C10orf143: variants seen among roughly 807,000 people sequenced by gnomAD.
The protein encoded by C10orf143 is chromosome 10 open reading frame 143, also known as uncharacterized protein C10orf143.
At chr10:130,036,964 C>T (rs947047715) in intron 3 of C10orf143, among the ~76,000 whole-genome samples, 1 of 152,242 alleles carries the variant, frequency 6.6e-6, no homozygotes, top group East Asian at 1.9e-4. Context: ...CAGAGGGAGG[C>T]GTGGACCCTG....
intron 1 of C10orf143, among the ~76,000 whole-genome samples, chr10:130,080,435 G>C (rs1352141720): frequency 1.3e-5 from 2 of 152,110 alleles, no homozygotes; most frequent in African/African-American, 4.8e-5. Flanking sequence ...GTGAACTAAA[G>C]AAAATAATTA....
rs1338963899 is a variant in C10orf143, at chr10:130,098,445, TGGC to T, written c.69+12256_69+12258del. ...GAAGGGTGACCATGTGGCACGCTGA[TGGC>T]GTTTTCCCCAAATGAATTATAATTT... On this transcript the variant is annotated intron_variant, in intron 1 of 3. Transcript: ENST00000637128. 5.3e-5 allele frequency among the ~76,000 whole-genome samples: 8 copies of T among 152,380 alleles called. No homozygotes were observed. In the South Asian group the frequency reaches 6.2e-4, roughly 12 times the overall value.
intron 3 of C10orf143, among the ~76,000 whole-genome samples, chr10:130,052,365 G>A (rs1020326019): frequency 2.6e-5 from 4 of 152,110 alleles, no homozygotes; most frequent in Non-Finnish European, 5.9e-5. Flanking sequence ...ACCTCCAGGT[G>A]AGGCAGCTTG....
intron 3 of C10orf143, among the ~76,000 whole-genome samples, chr10:130,057,602 C>G (rs1860809891): frequency 6.6e-6 from 1 of 151,660 alleles, no homozygotes; most frequent in Non-Finnish European, 1.5e-5. Context: ...AAGATGAGGT[C>G]TGAGACAGCC....
intron 3 of C10orf143, among the ~76,000 whole-genome samples, chr10:130,053,197 A>T (rs1245403510): frequency 6.6e-6 from 1 of 152,132 alleles, no homozygotes; most frequent in African/African-American, 2.4e-5. Context: ...AGTAGCTGGG[A>T]CTACAGGCCC....
At chr10:130,091,588 G>T (rs1861383477) in intron 1 of C10orf143, among the ~76,000 whole-genome samples, 1 of 152,186 alleles carries the variant, frequency 6.6e-6, no homozygotes, top group Non-Finnish European at 1.5e-5. Flanking sequence ...ACAGAAGTAG[G>T]CTTCAGAAGA....
At chr10:130,074,581 C>CA (rs1256213896) in intron 3 of C10orf143, among the ~76,000 whole-genome samples, 8 of 152,128 alleles carry the variant, frequency 5.3e-5, no homozygotes, top group African/African-American at 1.9e-4. Flanking sequence ...CTAGCAAGCA[C>CA]AGGCAGTGTT....
chr10:130,058,411 A>G (rs1037244084), intron 3 of C10orf143, among the ~76,000 whole-genome samples: 2 of 152,142 alleles, frequency 1.3e-5, no homozygotes, highest in African/African-American at 4.8e-5. Flanking sequence ...AATGTAAGTC[A>G]AGTATTCAGC....
intron 3 of C10orf143, among the ~76,000 whole-genome samples, chr10:130,073,482 C>T (rs1861065802): frequency 6.6e-6 from 1 of 152,176 alleles, no homozygotes; most frequent in Admixed American, 6.5e-5. Context: ...CGTGAGCATT[C>T]CAGTTCCCAG....
intron 3 of C10orf143, among the ~76,000 whole-genome samples, chr10:130,042,388 T>C (rs1860617798): frequency 1.3e-5 from 2 of 152,232 alleles, no homozygotes; most frequent in Non-Finnish European, 2.9e-5. Context: ...TGTGAATGGA[T>C]AAATATGACG....
Position 130,064,109 on chromosome 10 carries a change from G to A in C10orf143, c.*245C>T. On this transcript the variant is annotated 3_prime_UTR_variant, in exon 4 of 4. Coordinates refer to ENST00000637128, the MANE Select transcript of C10orf143 (RefSeq NM_001355042.2). ...CTCAACCAGGAACATTCGAAAGGAG[G>A]CTGTAGTACGTAGTAAGGATTTGGG... The A allele has an allele frequency of 8.2e-6, 3 of 365,252 alleles. No homozygotes were observed. Among genetic ancestry groups the A allele is most frequent in the Non-Finnish European group, 1.5e-5 (3 of 205,894 alleles). 22.6% of individuals were successfully genotyped at this position (365,252 alleles called of 1,614,324 possible).
chr10:130,098,553 C>T (rs1457091988), intron 1 of C10orf143, among the ~76,000 whole-genome samples: 1 of 152,156 alleles, frequency 6.6e-6, no homozygotes, highest in Non-Finnish European at 1.5e-5. Context: ...CTCAGTTAAA[C>T]ACACACACAC....
intron 1 of C10orf143, among the ~76,000 whole-genome samples, chr10:130,086,128 A>G (rs928661294): frequency 3.9e-5 from 6 of 152,232 alleles, no homozygotes; most frequent in Non-Finnish European, 4.4e-5. Flanking sequence ...CCATGTAACT[A>G]GCAGAGTAGA....
chr10:130,060,444 AATCACTTAAAATGGTAATG>A (rs577373168), downstream of C10orf143, among the ~76,000 whole-genome samples: 363 of 152,336 alleles, frequency 2.4e-3, 4 homozygotes, highest in African/African-American at 8.1e-3. Flanking sequence ...TATACTGTGT[AATCACTTAAAATGGTAATG>A]ATCACTTAAA....
At chr10:130,060,053 A>G (rs557203701), downstream of C10orf143, among the ~76,000 whole-genome samples, 10 of 109,140 alleles carry the variant, frequency 9.2e-5, 1 homozygote, top group South Asian at 2.4e-3. Context: ...CAGTGGGACC[A>G]GGTGGGAACA....
In C10orf143 at chr10:130,082,162, T is replaced by C. The variant is rs1457988625; in HGVS notation, c.70-2261A>G. On this transcript the variant is annotated intron_variant, in intron 1 of 3. Transcript: ENST00000637128. ...ATCACTGTGATAAGGATGGACTTTT[T>C]ATACATACATATATGATCTTCTTTT... Among the ~76,000 whole-genome samples the C allele has an allele frequency of 2.0e-5, 3 of 152,002 alleles. No individual in the cohort carries two copies. In the East Asian group the frequency reaches 5.8e-4, roughly 29 times the overall value.
intron 3 of C10orf143, among the ~76,000 whole-genome samples, chr10:130,041,536 A>G (rs1860606849): frequency 6.6e-6 from 1 of 152,252 alleles, no homozygotes; most frequent in African/African-American, 2.4e-5. Flanking sequence ...CATGTTGCCA[A>G]CTTGATAGTA....
At chr10:130,089,283 A>G (rs1861343090) in intron 1 of C10orf143, among the ~76,000 whole-genome samples, 1 of 152,228 alleles carries the variant, frequency 6.6e-6, no homozygotes, top group Non-Finnish European at 1.5e-5. Flanking sequence ...GTCCTGAATA[A>G]ATTAAGGATC....
intron 3 of C10orf143, among the ~76,000 whole-genome samples, chr10:130,047,553 T>G (rs1860690791): frequency 6.6e-6 from 1 of 152,180 alleles, no homozygotes; most frequent in African/African-American, 2.4e-5. Flanking sequence ...ATTCCTGCAC[T>G]AAGTAACTTA....
Sources: allele counts gnomAD v4.1 joint callset (sites outside exome capture counted in the v4.1 genomes callset), GRCh38; gene constraint gnomAD v4.1.1; transcripts MANE v1.5; gene names NCBI Gene and HGNC (gene_info 2026-07-23, HGNC 2026-07-21).